The following DPP6 variants were observed in gnomAD, a reference collection of about 807,000 sequenced individuals.
DPP6 encodes A-type potassium channel modulatory protein DPP6.
DPP6 carries 69 observed loss-of-function variants against 122.6 expected under a neutral mutation model. The ratio of observed to expected loss-of-function variants is 0.56; its 90% CI spans 0.46 to 0.69. DPP6 has a LOEUF of 0.69. Ranked by LOEUF, DPP6 falls within the 30% of genes least tolerant of loss-of-function variation. The pLI is 0.00. For synonymous variants in DPP6, 418 were observed against 433.1 expected (o/e 0.97, Z 0.43); for missense variants, 928 against 1,116.9 (o/e 0.83, Z 2.41).
chr7:154,857,153 C>T (rs1365675434), intron 17 of DPP6, among the ~76,000 whole-genome samples: 2 of 152,096 alleles, frequency 1.3e-5, no homozygotes, highest in Admixed American at 6.6e-5. Context: ...AGGATGGTAA[C>T]TTAAGCTGCC....
At chr7:153,769,155 A>G in the DPP6 span, among the ~76,000 whole-genome samples, 1 of 152,202 alleles carries the variant, frequency 6.6e-6, no homozygotes, top group Admixed American at 6.5e-5. Context: ...ATTAGCTGTA[A>G]TTATGAGTTT....
At chr7:154,782,289 T>G (rs1179469947) in intron 10 of DPP6, among the ~76,000 whole-genome samples, 1 of 152,274 alleles carries the variant, frequency 6.6e-6, no homozygotes, top group Non-Finnish European at 1.5e-5. Flanking sequence ...TATTTTGGTA[T>G]CATGCTCTTT....
rs1001998982 is a variant in DPP6 at position 154,699,609 on chromosome 7, C to T, written c.763-28158C>T. Among the ~76,000 whole-genome samples, 118 of 152,306 alleles carry T rather than the reference C, an allele frequency of 7.7e-4. 1 individual carries two copies. Among genetic ancestry groups the T allele is most frequent in the African/African-American group, 5.5e-4 (23 of 41,566 alleles). On this transcript the variant is annotated intron_variant, in intron 7 of 25. Transcript: ENST00000377770. ...GCTCTGAGTCACCTGGGGAACTTGC[C>T]GCCCCCAGACAGCCGGGCCCCTGTG...
chr7:154,593,123 C>T (rs1359944903), intron 5 of DPP6, among the ~76,000 whole-genome samples: 3 of 152,130 alleles, frequency 2.0e-5, no homozygotes, highest in African/African-American at 7.2e-5. Flanking sequence ...GGGTAGGATG[C>T]CCTGTGAGGG....
intron 1 of DPP6, among the ~76,000 whole-genome samples, chr7:154,252,800 A>G (rs1420264354): frequency 6.6e-6 from 1 of 152,262 alleles, no homozygotes; most frequent in East Asian, 1.9e-4. Context: ...GGCAGAGTCA[A>G]CAGCAACTAC....
At chr7:153,938,298 A>G (rs1341538357) in intron 1 of DPP6, among the ~76,000 whole-genome samples, 9 of 152,176 alleles carry the variant, frequency 5.9e-5, no homozygotes, top group African/African-American at 1.9e-4. Context: ...GGGACTTCCC[A>G]TTTTAGATGG....
chr7:154,544,990 C>T lies in DPP6; in HGVS notation c.552+4364C>T, dbSNP rs149782537. 9.5e-3 allele frequency among the ~76,000 whole-genome samples: 1,445 copies of T among 152,252 alleles called. 25 individuals are homozygous for T. Among genetic ancestry groups the T allele is most frequent in the East Asian group, 0.067 (347 of 5,166 alleles). On this transcript the variant is annotated intron_variant, in intron 4 of 25. Transcript: ENST00000377770. Reference sequence around the variant, plus strand: ...CGCCACTTTAGTTTTGAGGTCCATCCCTCATGAAGCTGGATGTAGCCTGCA... The same window carrying T: ...CGCCACTTTAGTTTTGAGGTCCATCTCTCATGAAGCTGGATGTAGCCTGCA...
At chr7:153,972,652 A>G (rs1401377138) in intron 1 of DPP6, among the ~76,000 whole-genome samples, 5 of 151,342 alleles carry the variant, frequency 3.3e-5, no homozygotes, top group African/African-American at 1.2e-4. Flanking sequence ...GTGCCCGTGG[A>G]CATGTGCTAT....
At chr7:154,188,919 G>A (rs1288867148) in intron 1 of DPP6, among the ~76,000 whole-genome samples, 1 of 152,232 alleles carries the variant, frequency 6.6e-6, no homozygotes, top group East Asian at 1.9e-4. Flanking sequence ...GAGGCAGCTT[G>A]TGTATTAGAA....
At chr7:154,682,586 C>T (rs1436082588) in intron 7 of DPP6, among the ~76,000 whole-genome samples, 1 of 152,198 alleles carries the variant, frequency 6.6e-6, no homozygotes, top group Non-Finnish European at 1.5e-5. Flanking sequence ...AGATAATTTG[C>T]TCACTTAAAA....
intron 1 of DPP6, among the ~76,000 whole-genome samples, chr7:154,314,316 A>G (rs556619023): frequency 2.0e-4 from 31 of 152,194 alleles, no homozygotes; most frequent in South Asian, 4.1e-4. Flanking sequence ...ATTTCAAACT[A>G]TTGTTCAGTG....
At chr7:153,917,338 C>T (rs1020513900) in intron 1 of DPP6, among the ~76,000 whole-genome samples, 2 of 152,206 alleles carry the variant, frequency 1.3e-5, no homozygotes, top group African/African-American at 4.8e-5. Context: ...GTCCTCTTTG[C>T]TACGTTTTTC....
At chr7:154,116,578 T>C (rs1807002366) in intron 1 of DPP6, among the ~76,000 whole-genome samples, 1 of 152,240 alleles carries the variant, frequency 6.6e-6, no homozygotes, top group Admixed American at 6.5e-5. Flanking sequence ...TGTTCAAAAA[T>C]TATTTTCTCA....
chr7:154,441,712 C>G (rs538052889), intron 1 of DPP6, among the ~76,000 whole-genome samples: 2 of 152,198 alleles, frequency 1.3e-5, no homozygotes, highest in African/African-American at 4.8e-5. Flanking sequence ...AAAATTAAAG[C>G]GGCCTGCATT....
intron 5 of DPP6, among the ~76,000 whole-genome samples, chr7:154,611,614 T>A (rs1833914651): frequency 6.6e-6 from 1 of 152,184 alleles, no homozygotes. Context: ...ACAATGAGAC[T>A]TCTTCTAATA....
chr7:154,575,654 G>A (rs1487737772), intron 5 of DPP6, among the ~76,000 whole-genome samples: 2 of 142,866 alleles, frequency 1.4e-5, no homozygotes, highest in Non-Finnish European at 3.1e-5. Flanking sequence ...GTGTTTTTGT[G>A]TGGTGTGTGT....
At chr7:154,255,742 C>T (rs1342763251) in intron 1 of DPP6, among the ~76,000 whole-genome samples, 1 of 152,202 alleles carries the variant, frequency 6.6e-6, no homozygotes, top group Non-Finnish European at 1.5e-5. Context: ...TGCCACAGCG[C>T]TTGAATGTTC....
At position 154,402,438 on chromosome 7, in the gene DPP6, G is replaced by A. The variant is rs569008277; in HGVS notation, c.244-43776G>A. On this transcript the variant is annotated intron_variant, in intron 1 of 25. Transcript: ENST00000377770. ...CAGCCATAAAAAATGATGAGTTCAT[G>A]TCCTTTGTAGGGACATGGATGAATT... Among the ~76,000 whole-genome samples the A allele has an allele frequency of 2.1e-4, 31 of 150,742 alleles. No homozygotes were observed. The South Asian group carries it at 2.5e-3, about 12-fold the overall frequency.
intron 4 of DPP6, among the ~76,000 whole-genome samples, chr7:154,561,324 T>C (rs115748521): frequency 0.01 from 1,566 of 152,330 alleles, 25 homozygotes; most frequent in African/African-American, 0.034. Context: ...ACGTGAAACA[T>C]TCACCAGAGT....
Sources: allele counts gnomAD v4.1 joint callset (sites outside exome capture counted in the v4.1 genomes callset), GRCh38; gene constraint gnomAD v4.1.1; transcripts MANE v1.5; gene names NCBI Gene and HGNC (gene_info 2026-07-23, HGNC 2026-07-21).